ARSB: variants seen among roughly 807,000 people sequenced by gnomAD.
ARSB encodes the protein arylsulfatase B.
ARSB carries 41 observed loss-of-function variants against 50.9 expected under a neutral mutation model. The observed-to-expected ratio is 0.81, with a 90% CI of 0.63 to 1.04. The LOEUF (loss-of-function observed/expected upper bound fraction) is 1.04. Among genes scored for constraint, ARSB ranks in the 50% least tolerant of loss-of-function variants. The pLI, the probability that ARSB is intolerant of heterozygous loss-of-function variation, is 0.00. For missense variants in ARSB, 672 were observed against 693.3 expected, an observed-to-expected ratio of 0.97 and a Z score of 0.35; for synonymous variants, 269 against 284.8, an observed-to-expected ratio of 0.94 and a Z score of 0.56.
At chr5:78,945,227 G>A (rs543779249) in intron 4 of ARSB, among the ~76,000 whole-genome samples, 5 of 152,282 alleles carry the variant, frequency 3.3e-5, no homozygotes, top group Non-Finnish European at 7.4e-5. Flanking sequence ...TGCGCTTCCC[G>A]GGTGAGGCGA....
At chr5:78,873,588 C>T (rs1050856961) in intron 5 of ARSB, among the ~76,000 whole-genome samples, 148 of 140,926 alleles carry the variant, frequency 1.1e-3, no homozygotes, top group African/African-American at 3.4e-3. Context: ...CTCCGCCTCC[C>T]GGGTTCACGC....
At chr5:78,859,279 GA>G (rs1407233078) in intron 5 of ARSB, among the ~76,000 whole-genome samples, 3 of 152,138 alleles carry the variant, frequency 2.0e-5, no homozygotes, top group African/African-American at 7.2e-5. Context: ...GTTATATATG[GA>G]AAGATATTTT....
chr5:78,833,482 T>C (rs1292443037), intron 6 of ARSB, among the ~76,000 whole-genome samples: 2 of 152,026 alleles, frequency 1.3e-5, no homozygotes, highest in Non-Finnish European at 2.9e-5. Context: ...CAAAAATGAA[T>C]AAAAAGTCTC....
At chr5:78,822,943 C>T (rs778771102) in intron 6 of ARSB, among the ~76,000 whole-genome samples, 2 of 152,134 alleles carry the variant, frequency 1.3e-5, no homozygotes, top group Non-Finnish European at 1.5e-5. Context: ...GCCTCTAATC[C>T]TGTTTTAATG....
intron 7 of ARSB, among the ~76,000 whole-genome samples, chr5:78,781,031 TTC>T (rs1304742313): frequency 6.6e-6 from 1 of 152,248 alleles, no homozygotes; most frequent in Non-Finnish European, 1.5e-5. Flanking sequence ...GCCAAAAATG[TTC>T]TCATTGTAAA....
intron 5 of ARSB, among the ~76,000 whole-genome samples, chr5:78,859,617 T>A (rs1746329548): frequency 6.6e-6 from 1 of 152,142 alleles, no homozygotes; most frequent in South Asian, 2.1e-4. Flanking sequence ...CATTCTTGGA[T>A]TCTGCCATAA....
intron 6 of ARSB, among the ~76,000 whole-genome samples, chr5:78,792,947 C>G (rs1241192542): frequency 6.6e-6 from 1 of 152,126 alleles, no homozygotes; most frequent in Non-Finnish European, 1.5e-5. Context: ...CCCCACATAA[C>G]CTGTAGTGGT....
At chr5:78,837,043 G>A (rs1353551368) in intron 6 of ARSB, among the ~76,000 whole-genome samples, 1 of 152,098 alleles carries the variant, frequency 6.6e-6, no homozygotes, top group Admixed American at 6.6e-5. Flanking sequence ...GTCACCTCCC[G>A]CCGGGCCCCT....
chr5:78,962,810 G>A (rs1210495064), intron 3 of ARSB, among the ~76,000 whole-genome samples: 2 of 152,180 alleles, frequency 1.3e-5, no homozygotes, highest in East Asian at 3.8e-4. Flanking sequence ...GTTGTCTTCT[G>A]AAAGATTTTA....
chr5:78,962,591 G>C (rs185955471), intron 3 of ARSB, among the ~76,000 whole-genome samples: 2 of 145,202 alleles, frequency 1.4e-5, no homozygotes, highest in Non-Finnish European at 3.0e-5. Flanking sequence ...GTAGTGGTGC[G>C]ATCTCGGCTC....
intron 6 of ARSB, among the ~76,000 whole-genome samples, chr5:78,806,612 C>A (rs1321420047): frequency 6.6e-6 from 1 of 152,218 alleles, no homozygotes; most frequent in South Asian, 2.1e-4. Context: ...TCCTCCTCAC[C>A]CTGCGCTTTG....
chr5:78,917,493 T>C (rs1162769776), intron 4 of ARSB, among the ~76,000 whole-genome samples: 1 of 152,152 alleles, frequency 6.6e-6, no homozygotes. Context: ...TTTTTTAAAA[T>C]GCAATTGTGT....
intron 1 of ARSB, among the ~76,000 whole-genome samples, chr5:78,980,064 A>C (rs1752836759): frequency 6.6e-6 from 1 of 152,254 alleles, no homozygotes; most frequent in African/African-American, 2.4e-5. Flanking sequence ...ATAGATAATA[A>C]GAAGGCTGGT....
At chr5:78,812,448 A>G (rs892046798) in intron 6 of ARSB, among the ~76,000 whole-genome samples, 7 of 152,206 alleles carry the variant, frequency 4.6e-5, no homozygotes, top group African/African-American at 1.4e-4. Flanking sequence ...TGATATGTAA[A>G]ACGTGTATAT....
chr5:78,968,360 ATTTTTG>A (rs1752301411), intron 2 of ARSB, among the ~76,000 whole-genome samples: 1 of 110,918 alleles, frequency 9.0e-6, no homozygotes, highest in Non-Finnish European at 2.0e-5. Context: ...TATTATTATT[ATTTTTG>A]AGACAGAGTC....
intron 6 of ARSB, 131 bp downstream of exon 6, chr5:78,839,225 G>A (rs750074813): frequency 1.2e-6 from 1 of 831,750 alleles, no homozygotes; most frequent in Non-Finnish European, 2.0e-6. Flanking sequence ...CGGGAGATAT[G>A]TCCCGAAGAA....
At chr5:78,979,087 G>T (rs544912533) in intron 1 of ARSB, among the ~76,000 whole-genome samples, 24 of 152,098 alleles carry the variant, frequency 1.6e-4, no homozygotes, top group Admixed American at 8.5e-4. Context: ...TCTAGTAAGG[G>T]TTTATTTAAT....
At chr5:78,900,136 C>A (rs1748737205) in intron 4 of ARSB, among the ~76,000 whole-genome samples, 1 of 151,972 alleles carries the variant, frequency 6.6e-6, no homozygotes, top group South Asian at 2.1e-4. Context: ...AGGCAGGAAC[C>A]CCTAGTCAGC....
chr5:78,947,405 T>A (rs939606214), intron 4 of ARSB, among the ~76,000 whole-genome samples: 25 of 152,148 alleles, frequency 1.6e-4, no homozygotes, highest in Middle Eastern at 3.4e-3. Context: ...ATAACCAGAC[T>A]ATATAAGGAA....
Sources: gnomAD v4.1 joint callset for allele counts (sites outside exome capture counted in the v4.1 genomes callset) on GRCh38, gnomAD v4.1.1 for gene constraint, MANE v1.5 for transcripts, NCBI Gene and HGNC (gene_info 2026-07-23, HGNC 2026-07-21) for gene names.